Variants in PIP4K2A observed in about 807,000 individuals in gnomAD.
The protein encoded by PIP4K2A is phosphatidylinositol 5-phosphate 4-kinase type-2 alpha.
In PIP4K2A, 14 loss-of-function variants were observed where a neutral mutation model predicts 42.9. The ratio of observed to expected loss-of-function variants is 0.33; its 90% CI spans 0.22 to 0.51. The LOEUF (loss-of-function observed/expected upper bound fraction) is 0.51, where lower values mean the gene tolerates loss of function less well. PIP4K2A is among the 20% of genes least tolerant of loss of function. PIP4K2A has a pLI of 0.97. For synonymous variants in PIP4K2A, 192 were observed against 192.2 expected, an observed-to-expected ratio of 1.00 and a Z score of 0.01; for missense variants, 434 against 519.8, an observed-to-expected ratio of 0.83 and a Z score of 1.61.
chr10:22,616,892 A>C (rs1425476451), intron 1 of PIP4K2A, among the ~76,000 whole-genome samples: 1 of 152,226 alleles, frequency 6.6e-6, no homozygotes, highest in Non-Finnish European at 1.5e-5. Context: ...AATACTCCTC[A>C]AAGCTCCATT....
chr10:22,710,338 A>T (rs889085710), intron 1 of PIP4K2A, among the ~76,000 whole-genome samples: 6 of 152,094 alleles, frequency 3.9e-5, no homozygotes, highest in Non-Finnish European at 8.8e-5. Flanking sequence ...CTCTCTGGGG[A>T]CTGTTCTTTC....
chr10:22,546,796 A>G (rs951564170), intron 7 of PIP4K2A, among the ~76,000 whole-genome samples: 1 of 152,210 alleles, frequency 6.6e-6, no homozygotes, highest in African/African-American at 2.4e-5. Context: ...GGAAGCTCGC[A>G]GATGGAAAGA....
At chr10:22,546,583 T>A (rs1836262766) in intron 7 of PIP4K2A, among the ~76,000 whole-genome samples, 1 of 152,104 alleles carries the variant, frequency 6.6e-6, no homozygotes, top group South Asian at 2.1e-4. Context: ...GGCTAATTTT[T>A]AAAACTTTGT....
At chr10:22,553,235 C>G (rs745826251) in intron 6 of PIP4K2A, among the ~76,000 whole-genome samples, 14 of 152,176 alleles carry the variant, frequency 9.2e-5, no homozygotes, top group Non-Finnish European at 1.8e-4. Flanking sequence ...GGCAGGGCAG[C>G]TGCCAGCATG....
rs34780922 is a variant in PIP4K2A, at chr10:22,536,967, AACACACAC to A, written c.*226_*233del. On this transcript the variant is annotated 3_prime_UTR_variant, in exon 10 of 10. Coordinates refer to ENST00000376573, the MANE Select transcript of PIP4K2A (RefSeq NM_005028.5). ...CGCGCGCACACACTCACCCCCCCCC[AACACACAC>A]ACACACACATATACACAAAGTCAGA... 2.9e-6 allele frequency: 1 copy of A among 344,372 alleles called. No homozygotes were observed. The highest frequency in any genetic ancestry group is 5.3e-6 in the Non-Finnish European group (1 of 187,842). 21.3% of individuals were successfully genotyped at this position (344,372 alleles called of 1,614,324 possible). A position where few individuals can be genotyped will look rare whatever the true frequency, so the allele number is the denominator to read the frequency against.
intron 1 of PIP4K2A, among the ~76,000 whole-genome samples, chr10:22,712,373 G>A (rs1383087613): frequency 6.6e-6 from 1 of 152,074 alleles, no homozygotes; most frequent in African/African-American, 2.4e-5. Flanking sequence ...GCAGCATATT[G>A]TTGACACTAC....
At chr10:22,704,654 A>G (rs1288593774) in intron 1 of PIP4K2A, among the ~76,000 whole-genome samples, 2 of 150,450 alleles carry the variant, frequency 1.3e-5, no homozygotes, top group Non-Finnish European at 3.0e-5. Context: ...CTCATCTGAA[A>G]AAAAAAAAAA....
intron 6 of PIP4K2A, among the ~76,000 whole-genome samples, chr10:22,558,063 T>C (rs1391696372): frequency 6.6e-6 from 1 of 152,238 alleles, no homozygotes; most frequent in African/African-American, 2.4e-5. Context: ...CTATTTATTA[T>C]TTTTTAAGTC....
chr10:22,701,162 T>C lies in PIP4K2A; in HGVS notation c.144+13021A>G, dbSNP rs558493440. Among the ~76,000 whole-genome samples the C allele has an allele frequency of 2.6e-5, 4 of 152,314 alleles. No individual in the cohort carries two copies. The South Asian group carries it at 8.3e-4, about 32-fold the overall frequency. On this transcript the variant is annotated intron_variant, in intron 1 of 9. Transcript: ENST00000376573. ...TCTTCTGTCTCACAGTATCTGTGTG[T>C]ACAATCCCAGTTGTGGCAAGAGGGG...
At chr10:22,696,740 A>T (rs1839980385) in intron 1 of PIP4K2A, among the ~76,000 whole-genome samples, 1 of 152,290 alleles carries the variant, frequency 6.6e-6, no homozygotes, top group Non-Finnish European at 1.5e-5. Context: ...TGTGTCAAAC[A>T]TTTAATATTT....
At chr10:22,697,326 T>C (rs1839992622) in intron 1 of PIP4K2A, among the ~76,000 whole-genome samples, 1 of 152,242 alleles carries the variant, frequency 6.6e-6, no homozygotes, top group Non-Finnish European at 1.5e-5. Flanking sequence ...ACCGGCATTA[T>C]TTATACTACA....
At chr10:22,694,236 A>G (rs532874720) in intron 1 of PIP4K2A, 2 of 152,340 alleles carry the variant, frequency 1.3e-5, no homozygotes, top group South Asian at 2.1e-4. Context: ...CAGAATGTCT[A>G]CTTACACTTA....
chr10:22,681,148 G>A, intron 1 of PIP4K2A, among the ~76,000 whole-genome samples: 1 of 152,262 alleles, frequency 6.6e-6, no homozygotes, highest in South Asian at 2.1e-4. Context: ...ATCGTTCTCA[G>A]CATAAAAGTG....
Position 22,567,872 on chromosome 10 carries a change from T to C in PIP4K2A, c.657A>G (p.Arg219=). The change falls in exon 6 of 10, where the codon AGA becomes AGG. Residue 219 remains arginine, a synonymous_variant. Transcript: ENST00000376573. ...KYDLKGSTVA[R]EASDKEKAKE... ...TTACCTTTTCTTTGTCACTAGCTTC[T>C]CTAGCCACTGTAGAGCCCTGAAACA... The C allele has an allele frequency of 2.5e-6, 4 of 1,614,004 alleles. No individual in the cohort carries two copies. Among genetic ancestry groups the C allele is most frequent in the Non-Finnish European group, 3.4e-6 (4 of 1,179,826 alleles).
chr10:22,625,628 G>A (rs1258911987), intron 1 of PIP4K2A, among the ~76,000 whole-genome samples: 1 of 152,094 alleles, frequency 6.6e-6, no homozygotes, highest in Non-Finnish European at 1.5e-5. Context: ...AAACAAAACA[G>A]TCCCCAGGTA....
At chr10:22,617,925 T>A (rs1838214264) in intron 1 of PIP4K2A, among the ~76,000 whole-genome samples, 2 of 152,056 alleles carry the variant, frequency 1.3e-5, no homozygotes, top group Admixed American at 1.3e-4. Flanking sequence ...CATAATTCAA[T>A]AACAAAAATA....
intron 1 of PIP4K2A, among the ~76,000 whole-genome samples, chr10:22,642,511 T>C (rs930802179): frequency 6.6e-6 from 1 of 151,958 alleles, no homozygotes; most frequent in Admixed American, 6.6e-5. Context: ...TAAATATATA[T>C]TCTTAAATTA....
At chr10:22,549,477 GC>G (rs1448355643) in intron 7 of PIP4K2A, among the ~76,000 whole-genome samples, 1 of 151,972 alleles carries the variant, frequency 6.6e-6, no homozygotes, top group Non-Finnish European at 1.5e-5. Context: ...GCTAAGAAAA[GC>G]TGAGTTTAGT....
chr10:22,539,841 G>A (rs1836044907), intron 9 of PIP4K2A, 130 bp downstream of exon 9: 3 of 714,664 alleles, frequency 4.2e-6, no homozygotes, highest in Non-Finnish European at 7.6e-6. Flanking sequence ...CAGCTCAGTG[G>A]CAGAAAGGAG....
Sources: allele counts gnomAD v4.1 joint callset (sites outside exome capture counted in the v4.1 genomes callset), GRCh38; gene constraint gnomAD v4.1.1; transcripts MANE v1.5; gene names NCBI Gene and HGNC (gene_info 2026-07-23, HGNC 2026-07-21).